RAB27B: variants seen among roughly 807,000 people sequenced by gnomAD.
The protein encoded by RAB27B is RAB27B, member RAS oncogene family.
A neutral mutation model predicts 24.6 loss-of-function variants in RAB27B; 15 were observed. The ratio of observed to expected loss-of-function variants is 0.61; its 90% CI spans 0.41 to 0.94. The LOEUF (loss-of-function observed/expected upper bound fraction) is 0.94, where lower values mean the gene tolerates loss of function less well. RAB27B is among the 40% of genes least tolerant of loss of function. RAB27B has a pLI of 0.00. For missense variants in RAB27B, 261 were observed against 266.8 expected, an observed-to-expected ratio of 0.98 and a Z score of 0.15; for synonymous variants, 105 against 92.5, an observed-to-expected ratio of 1.14 and a Z score of -0.78.
intron 2 of RAB27B, among the ~76,000 whole-genome samples, chr18:54,782,246 C>T (rs73960632): frequency 0.068 from 10,338 of 152,222 alleles, 482 homozygotes; most frequent in African/African-American, 0.11. Flanking sequence ...ATAAAGCCAA[C>T]CTGATATATC....
intron 2 of RAB27B, among the ~76,000 whole-genome samples, chr18:54,817,567 A>G (rs962485851): frequency 6.6e-6 from 1 of 152,170 alleles, no homozygotes; most frequent in Non-Finnish European, 1.5e-5. Flanking sequence ...TCTTGCAAGT[A>G]ATTTAGTAAA....
intron 2 of RAB27B, among the ~76,000 whole-genome samples, chr18:54,724,070 T>A (rs191303751): frequency 6.6e-6 from 1 of 152,056 alleles, no homozygotes; most frequent in East Asian, 1.9e-4. Context: ...CAAATGTGAT[T>A]TTAGTGGTGA....
intron 2 of RAB27B, among the ~76,000 whole-genome samples, chr18:54,730,381 A>G (rs4329991): frequency 0.064 from 9,732 of 152,272 alleles, 399 homozygotes; most frequent in African/African-American, 0.092. Flanking sequence ...TTCTCCGCCA[A>G]TGCCCTCCCG....
intron 2 of RAB27B, among the ~76,000 whole-genome samples, chr18:54,740,271 T>C (rs1239772821): frequency 6.6e-6 from 1 of 152,198 alleles, no homozygotes; most frequent in Non-Finnish European, 1.5e-5. Context: ...CCCCAGATAA[T>C]GAAACAATTC....
At chr18:54,734,537 A>T (rs1010708039) in intron 2 of RAB27B, among the ~76,000 whole-genome samples, 2 of 151,126 alleles carry the variant, frequency 1.3e-5, no homozygotes, top group East Asian at 3.9e-4. Context: ...AAATCCTCCC[A>T]TAGGTTCTCA....
intron 4 of RAB27B, among the ~76,000 whole-genome samples, chr18:54,887,712 T>C (rs1207571328): frequency 6.6e-6 from 1 of 152,174 alleles, no homozygotes; most frequent in Non-Finnish European, 1.5e-5. Context: ...TATTAATGAA[T>C]TACTTAATAA....
chr18:54,794,325 A>G (rs561006846), intron 2 of RAB27B, among the ~76,000 whole-genome samples: 3 of 152,316 alleles, frequency 2.0e-5, no homozygotes, highest in Non-Finnish European at 2.9e-5. Context: ...ACACATTTGC[A>G]TATTTTTCTG....
chr18:54,871,881 T>A (rs928051853), intron 1 of RAB27B, among the ~76,000 whole-genome samples: 2 of 149,444 alleles, frequency 1.3e-5, no homozygotes, highest in Admixed American at 1.3e-4. Context: ...AAATATTAAG[T>A]TGGTTTCTGT....
intron 2 of RAB27B, among the ~76,000 whole-genome samples, chr18:54,735,529 A>G (rs1909863091): frequency 6.6e-6 from 1 of 151,650 alleles, no homozygotes; most frequent in African/African-American, 2.4e-5. Context: ...TTTTTCTGAC[A>G]CTTTTTTTTT....
rs373425679 is a variant in RAB27B, at chr18:54,811,019, G to T, written c.-19-66548G>T. On this transcript the variant is annotated intron_variant, in intron 2 of 4. Coordinates refer to the RAB27B transcript ENST00000586570. Reference sequence around the variant, plus strand: ...CCATTATTATTGGTTCTCGATAAATGTTACCTGAAACGAATACATTTCCTA... The same window carrying T: ...CCATTATTATTGGTTCTCGATAAATTTTACCTGAAACGAATACATTTCCTA... Among the ~76,000 whole-genome samples the T allele has an allele frequency of 1.1e-3, 174 of 151,956 alleles. 6 individuals are homozygous for T. The South Asian group carries it at 0.031, about 27-fold the overall frequency.
At chr18:54,871,633 G>A (rs1182251345) in intron 1 of RAB27B, among the ~76,000 whole-genome samples, 5 of 152,052 alleles carry the variant, frequency 3.3e-5, no homozygotes, top group African/African-American at 1.2e-4. Context: ...GGAGGATCAC[G>A]AGGTCAGGAG....
intron 2 of RAB27B, among the ~76,000 whole-genome samples, chr18:54,798,736 A>G (rs1245164642): frequency 6.6e-6 from 1 of 152,268 alleles, no homozygotes; most frequent in Non-Finnish European, 1.5e-5. Context: ...ACATTCAGTC[A>G]CATTCTGTAT....
intron 2 of RAB27B, among the ~76,000 whole-genome samples, chr18:54,768,228 G>A (rs1206682030): frequency 1.3e-5 from 2 of 152,032 alleles, no homozygotes; most frequent in Non-Finnish European, 2.9e-5. Flanking sequence ...TAGAGAATGA[G>A]GTGTGTTACG....
intron 1 of RAB27B, among the ~76,000 whole-genome samples, chr18:54,858,145 A>G (rs544941868): frequency 6.6e-6 from 1 of 152,322 alleles, no homozygotes; most frequent in East Asian, 1.9e-4. Context: ...ATTATCAGAG[A>G]AGGACAGTGC....
intron 2 of RAB27B, among the ~76,000 whole-genome samples, chr18:54,806,533 A>T (rs1254795188): frequency 2.0e-5 from 3 of 148,334 alleles, no homozygotes; most frequent in Non-Finnish European, 4.5e-5. Context: ...ATGATTATAT[A>T]TGTAATTATA....
chr18:54,794,287 C>G (rs374345607), intron 2 of RAB27B, among the ~76,000 whole-genome samples: 1 of 152,152 alleles, frequency 6.6e-6, no homozygotes, highest in African/African-American at 2.4e-5. Context: ...CTTCTTAGAA[C>G]TCTCTATACA....
chr18:54,766,370 C>A (rs183304413), intron 2 of RAB27B, among the ~76,000 whole-genome samples: 1 of 152,126 alleles, frequency 6.6e-6, no homozygotes, highest in Non-Finnish European at 1.5e-5. Context: ...ATGCAAAGAG[C>A]ACCAGGTTAG....
At chr18:54,721,712 T>G (rs1909364266) in intron 2 of RAB27B, among the ~76,000 whole-genome samples, 1 of 152,226 alleles carries the variant, frequency 6.6e-6, no homozygotes, top group Non-Finnish European at 1.5e-5. Flanking sequence ...TTGTTATTAT[T>G]ACTATAATTT....
intron 1 of RAB27B, among the ~76,000 whole-genome samples, chr18:54,869,157 C>A (rs1437199334): frequency 6.6e-6 from 1 of 152,140 alleles, no homozygotes; most frequent in African/African-American, 2.4e-5. Context: ...TAGCTCTTTG[C>A]TTTCATGTTG....
Sources: allele counts gnomAD v4.1 joint callset (sites outside exome capture counted in the v4.1 genomes callset), GRCh38; gene constraint gnomAD v4.1.1; transcripts MANE v1.5; gene names NCBI Gene and HGNC (gene_info 2026-07-23, HGNC 2026-07-21).